NRP1: variants seen among roughly 807,000 people sequenced by gnomAD.
NRP1 encodes neuropilin 1, also known as neuropilin-1.
In NRP1, 35 loss-of-function variants were observed where a neutral mutation model predicts 106.7. The observed-to-expected ratio is 0.33, with a 90% confidence interval of 0.25 to 0.43. The LOEUF (loss-of-function observed/expected upper bound fraction) is 0.43. Among genes scored for constraint, NRP1 ranks in the 20% least tolerant of loss-of-function variants. NRP1 has a pLI of 1.00. For synonymous variants in NRP1, 437 were observed against 417.9 expected, an observed-to-expected ratio of 1.05 and a Z score of -0.56; for missense variants, 1,024 against 1,170.4, an observed-to-expected ratio of 0.87 and a Z score of 1.83.
intron 7 of NRP1, among the ~76,000 whole-genome samples, chr10:33,225,284 G>A (rs1839570300): frequency 6.6e-6 from 1 of 152,172 alleles, no homozygotes; most frequent in East Asian, 1.9e-4. Flanking sequence ...GATCCACAAG[G>A]AGAAAATCAA....
chr10:33,228,310 C>T (rs541295312), intron 6 of NRP1, among the ~76,000 whole-genome samples: 5 of 152,036 alleles, frequency 3.3e-5, no homozygotes, highest in Admixed American at 1.3e-4. Context: ...AGGCAGACGC[C>T]GCAGTGAGCT....
At position 33,231,594 on chromosome 10, in the gene NRP1, T is replaced by C. The variant is rs183362898; in HGVS notation, c.982-5305A>G. Among the ~76,000 whole-genome samples, 397 of 152,326 alleles carry C rather than the reference T, an allele frequency of 2.6e-3. 5 individuals are homozygous for C. Among genetic ancestry groups the C allele is most frequent in the Non-Finnish European group, 3.6e-3 (246 of 68,036 alleles). ...ATTTAGGTATTGGATCTTACTCAAC[T>C]GGATTAACATTATCAGCGGGCATTT... On this transcript the variant is annotated intron_variant, in intron 6 of 16. Coordinates refer to ENST00000374867, the MANE Select transcript of NRP1 (RefSeq NM_003873.7).
rs747818891 is a variant in NRP1 at position 33,197,709 on chromosome 10, C to T, written c.1865G>A (p.Gly622Asp). 3 of 1,585,118 alleles carry T rather than the reference C, an allele frequency of 1.9e-6. No individual in the cohort carries two copies. The South Asian group carries it at 3.5e-5, about 18-fold the overall frequency. The change falls in exon 12 of 17, where the codon GGT becomes GAT. Residue 622 changes from glycine to aspartate, a missense_variant and splice_region_variant. Gly to Asp is a moderately conservative substitution (Grantham distance 94). Transcript: ENST00000374867. The stretch of plus-strand genomic sequence containing the variant: ...TTCTGTGGCCAGCACAGTGGTGCCA[C>T]CTGAAAAACAAAAACAGGAACATGC... ...SGTGDDFQLT[G>D]GTTVLATEKP...
intron 3 of NRP1, among the ~76,000 whole-genome samples, chr10:33,264,447 G>A (rs1842783625): frequency 6.6e-6 from 1 of 152,162 alleles, no homozygotes; most frequent in African/African-American, 2.4e-5. Context: ...GACACAGGTG[G>A]GCCGGTAAAG....
intron 12 of NRP1, among the ~76,000 whole-genome samples, chr10:33,193,751 C>T (rs991172195): frequency 6.6e-6 from 1 of 152,158 alleles, no homozygotes; most frequent in Admixed American, 6.5e-5. Flanking sequence ...CATGGCCCCT[C>T]CCCCAATGGC....
intron 1 of NRP1, 44 bp from the exon 2 acceptor site, chr10:33,330,926 G>T: frequency 6.6e-7 from 1 of 1,506,374 alleles, no homozygotes; most frequent in Non-Finnish European, 9.0e-7. Context: ...CTGACAACCT[G>T]TTAGGTAATC....
intron 6 of NRP1, among the ~76,000 whole-genome samples, chr10:33,234,564 A>G (rs895247424): frequency 1.3e-5 from 2 of 152,190 alleles, no homozygotes; most frequent in African/African-American, 4.8e-5. Context: ...AAAACTTTGC[A>G]AATAATTTAT....
chr10:33,190,903 G>T (rs61856363), intron 13 of NRP1, among the ~76,000 whole-genome samples: 24,670 of 151,766 alleles, frequency 0.16, 2,320 homozygotes, highest in East Asian at 0.5. Flanking sequence ...ACCCAGGCTG[G>T]AGTGCAATGG....
intron 12 of NRP1, chr10:33,194,282 T>C (rs1208738060): frequency 6.4e-6 from 1 of 156,158 alleles, no homozygotes; most frequent in African/African-American, 2.4e-5. Context: ...TGGAACATGT[T>C]AATGTGTGTG....
chr10:33,228,227 C>G (rs770582205), intron 6 of NRP1, among the ~76,000 whole-genome samples: 2 of 152,032 alleles, frequency 1.3e-5, no homozygotes, highest in Non-Finnish European at 2.9e-5. Context: ...CATTGACAAG[C>G]CTGGCATAGT....
At chr10:33,188,050 C>T (rs993339143) in intron 13 of NRP1, among the ~76,000 whole-genome samples, 3 of 152,182 alleles carry the variant, frequency 2.0e-5, no homozygotes, top group Non-Finnish European at 4.4e-5. Flanking sequence ...TGTGACTGAG[C>T]TGATCCATTC....
chr10:33,329,586 T>A (rs1848128647), intron 2 of NRP1, among the ~76,000 whole-genome samples: 1 of 152,216 alleles, frequency 6.6e-6, no homozygotes. Context: ...TCTGTAGATA[T>A]CATATACGGT....
chr10:33,257,806 T>TA (rs1215003578), intron 4 of NRP1, among the ~76,000 whole-genome samples: 2 of 151,886 alleles, frequency 1.3e-5, no homozygotes, highest in African/African-American at 2.4e-5. Flanking sequence ...AAGCCACACA[T>TA]AAAAAAGTCC....
rs143198768 is a variant in NRP1 at position 33,198,144 on chromosome 10, A to T, written c.1865-435T>A. Among the ~76,000 whole-genome samples the T allele has an allele frequency of 7.9e-3, 739 of 94,060 alleles. 7 individuals are homozygous for T. Among genetic ancestry groups the T allele is most frequent in the African/African-American group, 0.015 (469 of 31,144 alleles). 61.7% of individuals were successfully genotyped at this position (94,060 alleles called of 152,430 possible). A position where few individuals can be genotyped will look rare whatever the true frequency, so the allele number is the denominator to read the frequency against. ...AATTTTCTTTTTTTTAAATTTTTAA[A>T]TTTTTTTTTTTTTTTGAGATGGAGT... On this transcript the variant is annotated intron_variant, in intron 11 of 16. Coordinates refer to ENST00000374867, the MANE Select transcript of NRP1 (RefSeq NM_003873.7).
chr10:33,228,142 A>AG (rs1294310332), intron 6 of NRP1, among the ~76,000 whole-genome samples: 1 of 60,110 alleles, frequency 1.7e-5, no homozygotes, highest in Non-Finnish European at 3.3e-5. Flanking sequence ...ACACAAGCTT[A>AG]AAAAAAAGTC....
intron 6 of NRP1, among the ~76,000 whole-genome samples, chr10:33,241,564 CT>C (rs1841021790): frequency 6.6e-6 from 1 of 152,032 alleles, no homozygotes; most frequent in East Asian, 1.9e-4. Context: ...GGTTGGATAC[CT>C]CTATTTCAAC....
At chr10:33,215,746 C>A (rs1330686783) in intron 8 of NRP1, among the ~76,000 whole-genome samples, 3 of 152,212 alleles carry the variant, frequency 2.0e-5, no homozygotes, top group South Asian at 2.1e-4. Flanking sequence ...CAGATACTTT[C>A]CACATGAGTT....
At chr10:33,180,454 C>G in intron 16 of NRP1, 89 bp from the exon 17 acceptor site, 3 of 1,283,824 alleles carry the variant, frequency 2.3e-6, no homozygotes, top group Non-Finnish European at 3.2e-6. Flanking sequence ...GAAACAGGAG[C>G]AAATCACACA....
intron 10 of NRP1, among the ~76,000 whole-genome samples, chr10:33,204,206 T>C (rs939653984): frequency 6.6e-6 from 1 of 152,168 alleles, no homozygotes; most frequent in Non-Finnish European, 1.5e-5. Flanking sequence ...CCAGTAGGAA[T>C]GTGTCAGTAA....
Sources: allele counts gnomAD v4.1 joint callset (sites outside exome capture counted in the v4.1 genomes callset), GRCh38; gene constraint gnomAD v4.1.1; transcripts MANE v1.5; gene names NCBI Gene and HGNC (gene_info 2026-07-23, HGNC 2026-07-21).